GHITM: variants seen among roughly 807,000 people sequenced by gnomAD.
GHITM encodes the protein growth hormone inducible transmembrane protein.
A neutral mutation model predicts 38.7 loss-of-function variants in GHITM; 24 were observed. The observed-to-expected ratio is 0.62, with a 90% confidence interval of 0.45 to 0.87. The LOEUF (loss-of-function observed/expected upper bound fraction) is 0.87. Ranked by LOEUF, GHITM falls within the 40% of genes least tolerant of loss-of-function variation. The pLI, the probability that GHITM is intolerant of heterozygous loss-of-function variation, is 0.00. For missense variants in GHITM, 420 were observed against 429.8 expected, an observed-to-expected ratio of 0.98 and a Z score of 0.20; for synonymous variants, 154 against 147.8, an observed-to-expected ratio of 1.04 and a Z score of -0.30.
chr10:84,149,237 G>A (rs1211155857), intron 6 of GHITM, among the ~76,000 whole-genome samples: 1 of 152,164 alleles, frequency 6.6e-6, no homozygotes, highest in Non-Finnish European at 1.5e-5. Context: ...ACTGAGAGGA[G>A]TCCTAATAGA....
intron 6 of GHITM, among the ~76,000 whole-genome samples, chr10:84,149,360 A>G (rs1433243297): frequency 6.6e-6 from 1 of 152,220 alleles, no homozygotes; most frequent in African/African-American, 2.4e-5. Context: ...TGATCTAGAA[A>G]TGTTATTCTT....
chr10:84,143,842 G>A (rs1841531306), intron 3 of GHITM, among the ~76,000 whole-genome samples, 153 bp from the exon 4 acceptor site: 1 of 151,874 alleles, frequency 6.6e-6, no homozygotes. Flanking sequence ...TTTTTCTACT[G>A]GTTACCTAAC....
At chr10:84,146,787 A>T (rs565757025) in intron 5 of GHITM, among the ~76,000 whole-genome samples, 1 of 152,334 alleles carries the variant, frequency 6.6e-6, no homozygotes, top group Non-Finnish European at 1.5e-5. Flanking sequence ...ACCCTCTTCC[A>T]CTGTTAGTAA....
intron 7 of GHITM, 51 bp from the exon 8 acceptor site, chr10:84,150,655 AGTT>A: frequency 7.2e-7 from 1 of 1,382,398 alleles, no homozygotes; most frequent in Non-Finnish European, 1.0e-6. Context: ...TCATAAACTC[AGTT>A]ATCGGAAATC....
At chr10:84,140,147 C>G (rs1355887849) in intron 1 of GHITM, 1 of 152,324 alleles carries the variant, frequency 6.6e-6, no homozygotes, top group African/African-American at 2.4e-5. Flanking sequence ...TGGGCTGTTA[C>G]GCCACATGGA....
intron 4 of GHITM, 50 bp from the exon 5 acceptor site, chr10:84,144,825 A>T: frequency 7.1e-7 from 1 of 1,413,128 alleles, no homozygotes; most frequent in South Asian, 1.3e-5. Context: ...TGACTCAACC[A>T]GAAATCAAAT....
chr10:84,151,294 T>G (rs1841609866), intron 8 of GHITM, among the ~76,000 whole-genome samples: 1 of 152,216 alleles, frequency 6.6e-6, no homozygotes, highest in South Asian at 2.1e-4. Flanking sequence ...CACCAATGGC[T>G]TTGTCAGATT....
chr10:84,143,939 A>G (rs890268667), intron 3 of GHITM, 56 bp from the exon 4 acceptor site: 3 of 1,101,672 alleles, frequency 2.7e-6, no homozygotes, highest in Non-Finnish European at 4.2e-6. Context: ...TAAATATTTT[A>G]AAGGCTTTGT....
Position 84,144,644 on chromosome 10 carries a change from G to A in GHITM, c.342-231G>A, listed in dbSNP as rs1423810935. ...GCTGGGATTACAGGCATGAGCCACCGCACCCAGCCAAAAATATGTTGTTTT... is the reference window on the plus strand; with the variant it reads ...GCTGGGATTACAGGCATGAGCCACCACACCCAGCCAAAAATATGTTGTTTT... On this transcript the variant is annotated intron_variant, in intron 4 of 8. Coordinates refer to ENST00000372134, the MANE Select transcript of GHITM (RefSeq NM_014394.3). Among the ~76,000 whole-genome samples, 11 of 152,192 alleles carry A rather than the reference G, an allele frequency of 7.2e-5. No homozygotes were observed. In the East Asian group the frequency reaches 7.7e-4, roughly 11 times the overall value.
rs1277530877 is a variant in GHITM at position 84,149,989 on chromosome 10, A to G, written c.593-66A>G. 3.2e-6 allele frequency: 4 copies of G among 1,249,732 alleles called. No homozygotes were observed. The African/African-American group carries it at 6.0e-5, about 19-fold the overall frequency. The allele number at this position is 1,249,732 out of a possible 1,614,324, so 77.4% of individuals were successfully genotyped here. A position where few individuals can be genotyped will look rare whatever the true frequency, so the allele number is the denominator to read the frequency against. ...AAGGTATAATATAAAGTGGCATGTT[A>G]GAAGTGATATTTTCCTTTTGCTTGT... is the stretch of plus-strand genomic sequence containing the variant. On this transcript the variant is annotated intron_variant, in intron 6 of 8. Coordinates refer to ENST00000372134, the MANE Select transcript of GHITM (RefSeq NM_014394.3).
At position 84,144,932 on chromosome 10, in the gene GHITM, G is replaced by C. The variant is rs1457784551; in HGVS notation, c.399G>C (p.Gly133=). The C allele has an allele frequency of 6.2e-7, 1 of 1,610,416 alleles. No individual in the cohort carries two copies. The highest frequency in any genetic ancestry group is 8.5e-7 in the Non-Finnish European group (1 of 1,177,064). The stretch of plus-strand genomic sequence containing the variant: ...ATTCCACCTATATGTACTTAGCAGG[G>C]AGTATTGGTTTAACAGCTTTGTCTG... The part of the protein sequence containing the change: ...RIHSTYMYLA[G]SIGLTALSAI... Residue 133 remains glycine, a synonymous_variant, in exon 5 of 9, where the codon GGG becomes GGC. Coordinates refer to ENST00000372134, the MANE Select transcript of GHITM (RefSeq NM_014394.3).
chr10:84,141,255 T>A (rs1841503074), intron 1 of GHITM, among the ~76,000 whole-genome samples: 1 of 152,228 alleles, frequency 6.6e-6, no homozygotes, highest in African/African-American at 2.4e-5. Flanking sequence ...CATCTTCAGC[T>A]GTGTTCTCTG....
chr10:84,143,950 C>A, intron 3 of GHITM, 45 bp from the exon 4 acceptor site: 1 of 1,174,262 alleles, frequency 8.5e-7, no homozygotes, highest in Non-Finnish European at 1.3e-6. Context: ...AAGGCTTTGT[C>A]CAGATGTGCC....
rs1841605229 is a variant in GHITM at position 84,150,836 on chromosome 10, A to G, written c.909A>G (p.Glu303=). ...CCCAGAAAGTAATCAAGCGTGCAGAAGTATCACCAATGTATGGAGTTCAAA... is the reference window on the plus strand; with the variant it reads ...CCCAGAAAGTAATCAAGCGTGCAGAGGTATCACCAATGTATGGAGTTCAAA... ...YDTQKVIKRA[E]VSPMYGVQKY... Residue 303 remains glutamate, a synonymous_variant, in exon 8 of 9, where the codon GAA becomes GAG. Transcript: ENST00000372134. The G allele has an allele frequency of 6.2e-7, 1 of 1,611,656 alleles. No homozygotes were observed. Among genetic ancestry groups the G allele is most frequent in the African/African-American group, 1.3e-5 (1 of 74,878 alleles).
intron 8 of GHITM, among the ~76,000 whole-genome samples, chr10:84,151,473 C>G (rs1589277624): frequency 6.6e-6 from 1 of 152,094 alleles, no homozygotes; most frequent in Admixed American, 6.5e-5. Context: ...ATAATGTGCT[C>G]TTACTGCTCA....
intron 5 of GHITM, among the ~76,000 whole-genome samples, chr10:84,145,389 A>G (rs1338540656): frequency 6.6e-6 from 1 of 152,246 alleles, no homozygotes; most frequent in Non-Finnish European, 1.5e-5. Context: ...TGCAGCTGAG[A>G]TAAAAGTAGG....
Position 84,148,741 on chromosome 10 carries a change from G to T in GHITM, c.495G>T (p.Val165=). Residue 165 remains valine, a synonymous_variant, in exon 6 of 9, where the codon GTG becomes GTT. Transcript: ENST00000372134. The part of the protein sequence containing the change: ...MMRGSWVTIG[V]TFAAMVGAGM... ...TACTTGTCTTTCAGACAATTGGTGT[G>T]ACCTTTGCAGCCATGGTTGGAGCTG... 1 of 1,608,860 alleles carries T rather than the reference G, an allele frequency of 6.2e-7. No individual in the cohort carries two copies. Among genetic ancestry groups the T allele is most frequent in the South Asian group, 1.1e-5 (1 of 90,982 alleles).
chr10:84,152,234 A>G lies in GHITM; in HGVS notation c.954-30A>G, dbSNP rs372568572. Reference sequence around the variant, plus strand: ...TCAACATCACTATTAGAATTGCATCATATATAATGGGCATAATTTTCTTTT... The same window carrying G: ...TCAACATCACTATTAGAATTGCATCGTATATAATGGGCATAATTTTCTTTT... On this transcript the variant is annotated intron_variant, in intron 8 of 8. Transcript: ENST00000372134. 6.0e-5 allele frequency: 60 copies of G among 994,584 alleles called. No individual in the cohort carries two copies. The African/African-American group carries it at 8.5e-4, about 14-fold the overall frequency. 61.6% of individuals were successfully genotyped at this position (994,584 alleles called of 1,614,324 possible).
Position 84,152,246 on chromosome 10 carries a change from C to T in GHITM, c.954-18C>T. On this transcript the variant is annotated intron_variant, in intron 8 of 8. Transcript: ENST00000372134. ...TTAGAATTGCATCATATATAATGGG[C>T]ATAATTTTCTTTTCTAGGATGCTGA... 5.9e-6 allele frequency: 7 copies of T among 1,177,082 alleles called. No homozygotes were observed. In the Middle Eastern group the frequency reaches 1.2e-3, roughly 194 times the overall value. 72.9% of individuals were successfully genotyped at this position (1,177,082 alleles called of 1,614,324 possible).
Sources: allele counts gnomAD v4.1 joint callset (sites outside exome capture counted in the v4.1 genomes callset), GRCh38; gene constraint gnomAD v4.1.1; transcripts MANE v1.5; gene names NCBI Gene and HGNC (gene_info 2026-07-23, HGNC 2026-07-21).